The following VDAC2 variants were observed in gnomAD, a reference collection of about 807,000 sequenced individuals.
VDAC2 encodes the protein non-selective voltage-gated ion channel VDAC2.
A neutral mutation model predicts 36.6 loss-of-function variants in VDAC2; 6 were observed. The observed-to-expected ratio is 0.16, with a 90% confidence interval of 0.09 to 0.32. The LOEUF is 0.32. VDAC2 is among the 10% of genes least tolerant of loss of function. VDAC2 has a pLI of 1.00. For synonymous variants in VDAC2, 109 were observed against 123.8 expected, an observed-to-expected ratio of 0.88 and a Z score of 0.79; for missense variants, 247 against 346.0, an observed-to-expected ratio of 0.71 and a Z score of 2.27.
Position 75,221,032 on chromosome 10 carries a change from T to C in VDAC2, c.584+62T>C, listed in dbSNP as rs1034290904. Reference sequence around the variant, plus strand: ...CCTCAGAGGATGATTTTGATGTCTGTCATCTTATTGATCTGGGTGCACCCT... The same window carrying C: ...CCTCAGAGGATGATTTTGATGTCTGCCATCTTATTGATCTGGGTGCACCCT... On this transcript the variant is annotated intron_variant, in intron 7 of 9. Coordinates refer to ENST00000332211, the MANE Select transcript of VDAC2 (RefSeq NM_001391963.1). The C allele has an allele frequency of 7.4e-6, 11 of 1,489,120 alleles. No individual in the cohort carries two copies. The Admixed American group carries it at 1.5e-4, about 21-fold the overall frequency. 92.2% of individuals were successfully genotyped at this position (1,489,120 alleles called of 1,614,324 possible). A position where few individuals can be genotyped will look rare whatever the true frequency, so the allele number is the denominator to read the frequency against.
At chr10:75,229,818 T>C (rs1842054856) in intron 9 of VDAC2, 117 bp downstream of exon 9, 1 of 712,482 alleles carries the variant, frequency 1.4e-6, no homozygotes. Context: ...AAGAGTACAA[T>C]AAATACGTGT....
chr10:75,213,183 A>G (rs376459452), intron 3 of VDAC2, among the ~76,000 whole-genome samples: 1 of 151,952 alleles, frequency 6.6e-6, no homozygotes, highest in South Asian at 2.1e-4. Context: ...GGTTCCAGCA[A>G]TTCTCCTGCC....
Position 75,220,759 on chromosome 10 carries a change from A to G in VDAC2, c.373A>G (p.Ile125Val). 1 of 1,610,268 alleles carries G rather than the reference A, an allele frequency of 6.2e-7. No individual in the cohort carries two copies. The highest frequency in any genetic ancestry group is 8.5e-7 in the Non-Finnish European group (1 of 1,178,140). The change falls in exon 7 of 10, where the codon ATC becomes GTC. Residue 125 changes from isoleucine (I) to valine (V), a missense_variant. Transcript: ENST00000332211. ...TTTTTCCAGAAAGAAAAGTGGTAAA[A>G]TCAAGTCTTCTTACAAGAGGGAGTG... Reference protein sequence around the residue: ...SPNTGKKSGKIKSSYKRECIN... With the variant: ...SPNTGKKSGKVKSSYKRECIN...
chr10:75,226,663 G>C (rs572091364), intron 8 of VDAC2, among the ~76,000 whole-genome samples: 6 of 151,876 alleles, frequency 4.0e-5, no homozygotes, highest in Non-Finnish European at 7.4e-5. Context: ...AGGTTTCACC[G>C]TGTTGGCCAG....
At chr10:75,211,438 G>A (rs2132248550) in intron 2 of VDAC2, 3 of 1,481,552 alleles carry the variant, frequency 2.0e-6, no homozygotes, top group East Asian at 5.0e-5. Flanking sequence ...TGTCTTTGAC[G>A]TATAGAAGTA....
Position 75,212,463 on chromosome 10 carries a change from A to T in VDAC2, c.100+165A>T, listed in dbSNP as rs532991303. Among the ~76,000 whole-genome samples, 8 of 152,282 alleles carry T rather than the reference A, an allele frequency of 5.3e-5. No individual in the cohort carries two copies. The East Asian group carries it at 1.5e-3, about 29-fold the overall frequency. On this transcript the variant is annotated intron_variant, in intron 3 of 9. Coordinates refer to ENST00000332211, the MANE Select transcript of VDAC2 (RefSeq NM_001391963.1). ...GGTCTCCCTCTGTTGCCCAGGCTGG[A>T]TGCAGTGGCATGATTATACCTCACT...
At chr10:75,216,856 C>T (rs1841621757) in intron 4 of VDAC2, among the ~76,000 whole-genome samples, 1 of 152,174 alleles carries the variant, frequency 6.6e-6, no homozygotes, top group African/African-American at 2.4e-5. Context: ...GTAATGCTTT[C>T]CTTTTCTGTG....
At chr10:75,226,040 G>A (rs975679655) in intron 8 of VDAC2, among the ~76,000 whole-genome samples, 3 of 152,054 alleles carry the variant, frequency 2.0e-5, no homozygotes, top group Non-Finnish European at 2.9e-5. Context: ...TAATCCGCCC[G>A]CCTCAGCCTC....
At chr10:75,222,211 C>G (rs369801856) in intron 7 of VDAC2, 41 bp from the exon 8 acceptor site, 3 of 1,558,388 alleles carry the variant, frequency 1.9e-6, no homozygotes, top group African/African-American at 2.7e-5. Flanking sequence ...GACATTATTA[C>G]ATTGTCTATT....
chr10:75,211,840 T>C (rs1841433798), intron 2 of VDAC2, among the ~76,000 whole-genome samples: 1 of 152,232 alleles, frequency 6.6e-6, no homozygotes, highest in Non-Finnish European at 1.5e-5. Flanking sequence ...AAGGGCCTAG[T>C]CTTAGGTTTC....
intron 8 of VDAC2, 184 bp from the exon 9 acceptor site, chr10:75,229,460 T>C (rs2132285698): frequency 2.0e-6 from 1 of 488,964 alleles, no homozygotes; most frequent in East Asian, 3.6e-5. Context: ...GAGAATTTGA[T>C]TTTTGAGTTG....
At chr10:75,221,856 T>C (rs2132270712) in intron 7 of VDAC2, among the ~76,000 whole-genome samples, 1 of 152,330 alleles carries the variant, frequency 6.6e-6, no homozygotes, top group East Asian at 1.9e-4. Flanking sequence ...AATTCATTGG[T>C]AAATAACAGA....
chr10:75,220,590 T>C (rs774514542), intron 6 of VDAC2, among the ~76,000 whole-genome samples, 153 bp from the exon 7 acceptor site: 1 of 152,268 alleles, frequency 6.6e-6, no homozygotes, highest in Non-Finnish European at 1.5e-5. Context: ...CCTTGTCTTG[T>C]AGTTCATTGA....
At chr10:75,215,392 C>T (rs79540182) in intron 4 of VDAC2, among the ~76,000 whole-genome samples, 1 of 151,076 alleles carries the variant, frequency 6.6e-6, no homozygotes, top group African/African-American at 2.4e-5. Flanking sequence ...TGCACTGTCA[C>T]CCAGGCTGGA....
intron 8 of VDAC2, among the ~76,000 whole-genome samples, chr10:75,227,576 A>AGTTTTTTTTT (rs1841989654): frequency 1.3e-4 from 12 of 90,776 alleles, no homozygotes; most frequent in African/African-American, 6.4e-4. Flanking sequence ...AAATAATAGG[A>AGTTTTTTTTT]ATTTTTTTTT....
chr10:75,225,043 A>T lies in VDAC2; in HGVS notation c.735+2641A>T, dbSNP rs535632868. ...TGCCATATGGTAATATTGTTGGCAG[A>T]TTAAACTCCCTTGTGTAAATAAGTC... On this transcript the variant is annotated intron_variant, in intron 8 of 9. Coordinates refer to ENST00000332211, the MANE Select transcript of VDAC2 (RefSeq NM_001391963.1). Among the ~76,000 whole-genome samples the T allele has an allele frequency of 1.6e-4, 24 of 152,312 alleles. 1 individual carries two copies. In the South Asian group the frequency reaches 4.8e-3, roughly 30 times the overall value.
chr10:75,222,219 A>G, intron 7 of VDAC2, 33 bp from the exon 8 acceptor site: 1 of 1,597,828 alleles, frequency 6.3e-7, no homozygotes, highest in Non-Finnish European at 8.6e-7. Flanking sequence ...TACATTGTCT[A>G]TTCTAGATCT....
chr10:75,223,366 A>G (rs1841873033), intron 8 of VDAC2, among the ~76,000 whole-genome samples: 1 of 152,172 alleles, frequency 6.6e-6, no homozygotes, highest in Admixed American at 6.5e-5. Context: ...ATGTTCTTGG[A>G]TGTCTGTGGC....
At chr10:75,220,152 C>G (rs941432688) in intron 6 of VDAC2, among the ~76,000 whole-genome samples, 1 of 151,538 alleles carries the variant, frequency 6.6e-6, no homozygotes, top group Non-Finnish European at 1.5e-5. Flanking sequence ...GTCACCCAGG[C>G]TGGAGTGCAA....
Sources: allele counts gnomAD v4.1 joint callset (sites outside exome capture counted in the v4.1 genomes callset), GRCh38; gene constraint gnomAD v4.1.1; transcripts MANE v1.5; gene names NCBI Gene and HGNC (gene_info 2026-07-23, HGNC 2026-07-21).